The following TSHZ3 variants were observed in gnomAD, a reference collection of about 807,000 sequenced individuals.
TSHZ3 encodes the protein teashirt homolog 3.
Under a neutral mutation model 64.5 loss-of-function variants are expected in TSHZ3, and 10 were observed. The observed-to-expected ratio is 0.16, with a 90% CI of 0.10 to 0.26. The LOEUF is 0.26. TSHZ3 is among the 10% of genes least tolerant of loss of function. TSHZ3 has a pLI of 1.00. For synonymous variants in TSHZ3, 608 were observed against 593.1 expected, an observed-to-expected ratio of 1.03 and a Z score of -0.36; for missense variants, 1,242 against 1,421.7, an observed-to-expected ratio of 0.87 and a Z score of 2.03.
At chr19:31,323,788 A>G (rs1309111732) in intron 1 of TSHZ3, among the ~76,000 whole-genome samples, 1 of 151,752 alleles carries the variant, frequency 6.6e-6, no homozygotes, top group Non-Finnish European at 1.5e-5. Context: ...CCACACTGCC[A>G]CACACCTCAG....
At chr19:31,176,036 G>T (rs1488016194) in intron 5 of TSHZ3, among the ~76,000 whole-genome samples, 2 of 152,228 alleles carry the variant, frequency 1.3e-5, no homozygotes, top group African/African-American at 4.8e-5. Flanking sequence ...TTGGGTCTGA[G>T]GGGAAAGTTC....
intron 1 of TSHZ3, among the ~76,000 whole-genome samples, chr19:31,311,657 G>A (rs934777998): frequency 6.6e-6 from 1 of 152,174 alleles, no homozygotes; most frequent in Non-Finnish European, 1.5e-5. Context: ...AGGACTGGAA[G>A]ATGAGAATCC....
At chr19:31,339,789 C>CA (rs1193870082) in intron 1 of TSHZ3, among the ~76,000 whole-genome samples, 18 of 129,550 alleles carry the variant, frequency 1.4e-4, no homozygotes, top group Admixed American at 2.3e-4. Flanking sequence ...CTTCCCATGG[C>CA]AAAAAGGAAA....
chr19:31,163,267 T>A (rs2145105526), intron 5 of TSHZ3, among the ~76,000 whole-genome samples: 1 of 152,262 alleles, frequency 6.6e-6, no homozygotes, highest in Middle Eastern at 3.4e-3. Context: ...CCAGATAAGC[T>A]AAAGCATAGG....
intron 1 of TSHZ3, among the ~76,000 whole-genome samples, chr19:31,246,751 T>C (rs1470888731): frequency 1.3e-5 from 2 of 152,144 alleles, no homozygotes; most frequent in African/African-American, 4.8e-5. Flanking sequence ...GAGGCGTTTC[T>C]TTCTATGTCA....
At chr19:31,166,996 C>T (rs1974462298) in intron 5 of TSHZ3, among the ~76,000 whole-genome samples, 1 of 152,154 alleles carries the variant, frequency 6.6e-6, no homozygotes, top group Non-Finnish European at 1.5e-5. Flanking sequence ...GGGGAAGGCT[C>T]CACCCAGAGC....
chr19:31,277,290 A>G lies in TSHZ3; in HGVS notation c.2503T>C (p.Ser835Pro), dbSNP rs184853835. ...AKTSAVVSFM[S>P]NSPLRENALS... ...GCATTCTCGCGTAGCGGCGAGTTTG[A>G]CATGAATGATACGACGGCAGATGTC... is the stretch of plus-strand genomic sequence containing the variant. The change falls in exon 2 of 2, where the codon TCA (serine) becomes CCA (proline). Residue 835 changes from serine to proline, a missense_variant. This residue lies in a region of TSHZ3 where 550 missense variants were observed against 545.1 expected (regional missense o/e 1.01). Transcript: ENST00000240587. This position sits in a 1 kb window ranked among gnomAD's most constrained non-coding sequence, Gnocchi z 4.5. The G allele has an allele frequency of 6.2e-7, 1 of 1,613,896 alleles. No individual in the cohort carries two copies. Among genetic ancestry groups the G allele is most frequent in the African/African-American group, 1.3e-5 (1 of 75,050 alleles).
At chr19:31,152,174 C>T (rs376727944) in intron 6 of TSHZ3, among the ~76,000 whole-genome samples, 1 of 151,548 alleles carries the variant, frequency 6.6e-6, no homozygotes, top group Admixed American at 6.6e-5. Flanking sequence ...TTGGGTTTTG[C>T]CTAGAATGTC....
chr19:31,253,982 G>T (rs1379511305), intron 1 of TSHZ3, among the ~76,000 whole-genome samples: 1 of 152,140 alleles, frequency 6.6e-6, no homozygotes, highest in African/African-American at 2.4e-5. Flanking sequence ...TGTGACTAAG[G>T]CAGAGGAGCT....
chr19:31,292,926 A>AACCCATCCATCCAACCAAAC, intron 1 of TSHZ3, among the ~76,000 whole-genome samples: 1 of 138,590 alleles, frequency 7.2e-6, no homozygotes, highest in Non-Finnish European at 1.5e-5. Context: ...TCCAACCAAA[A>AACCCATCCATCCAACCAAAC]ACCCATCCAT....
At chr19:31,182,609 A>G (rs1160589639) in intron 5 of TSHZ3, among the ~76,000 whole-genome samples, 1 of 152,188 alleles carries the variant, frequency 6.6e-6, no homozygotes, top group Admixed American at 6.5e-5. Flanking sequence ...CCCTCAAAGG[A>G]AAGGAGAAGC....
intron 5 of TSHZ3, among the ~76,000 whole-genome samples, chr19:31,162,757 A>T (rs994646474): frequency 6.6e-6 from 1 of 152,234 alleles, no homozygotes; most frequent in Non-Finnish European, 1.5e-5. Context: ...CTCAGCATAC[A>T]TGAGGTTAGG....
At chr19:31,262,525 T>C (rs938450636) in intron 1 of TSHZ3, among the ~76,000 whole-genome samples, 1 of 152,226 alleles carries the variant, frequency 6.6e-6, no homozygotes, top group African/African-American at 2.4e-5. Context: ...TTTAATGTCT[T>C]TCTGTGCTTT....
chr19:31,293,211 C>T (rs1976605658), intron 1 of TSHZ3, among the ~76,000 whole-genome samples: 1 of 152,172 alleles, frequency 6.6e-6, no homozygotes, highest in Non-Finnish European at 1.5e-5. Flanking sequence ...TTATATACTC[C>T]AGATGCTTTA....
rs554366748 is a variant in TSHZ3, at chr19:31,269,824, G to A, written n.64-26949C>T. On this transcript the variant is annotated intron_variant and non_coding_transcript_variant, in intron 1 of 6. Coordinates refer to the TSHZ3 transcript ENST00000651361. The stretch of plus-strand genomic sequence containing the variant: ...AAAAGAAAGCAGGATGGCCTCCCCC[G>A]CTGATGCCTGGGGCTTCAAAGGCCA... 4.6e-4 allele frequency among the ~76,000 whole-genome samples: 70 copies of A among 152,310 alleles called. 1 individual carries two copies. Among genetic ancestry groups the A allele is most frequent in the Admixed American group, 4.5e-3 (69 of 15,304 alleles).
At chr19:31,316,791 C>G (rs911284549) in intron 1 of TSHZ3, among the ~76,000 whole-genome samples, 1 of 151,980 alleles carries the variant, frequency 6.6e-6, no homozygotes, top group South Asian at 2.1e-4. Flanking sequence ...GAAGGAGAAA[C>G]AGGCAGAGAG....
chr19:31,218,953 A>AT, intron 4 of TSHZ3, among the ~76,000 whole-genome samples: 1 of 152,150 alleles, frequency 6.6e-6, no homozygotes, highest in Non-Finnish European at 1.5e-5. Flanking sequence ...TTTTCTACTA[A>AT]TTTTACAGGC....
chr19:31,273,744 T>C (rs1311898180), downstream of TSHZ3, among the ~76,000 whole-genome samples: 3 of 152,158 alleles, frequency 2.0e-5, no homozygotes, highest in African/African-American at 7.2e-5. Context: ...AACATATGTG[T>C]CCTTTAGCTC....
intron 1 of TSHZ3, among the ~76,000 whole-genome samples, chr19:31,347,361 A>G: frequency 6.6e-6 from 1 of 152,148 alleles, no homozygotes; most frequent in East Asian, 1.9e-4. Flanking sequence ...GAGATGAACT[A>G]GAGAGAGAGT....
Sources: allele counts gnomAD v4.1 joint callset (sites outside exome capture counted in the v4.1 genomes callset), GRCh38; gene constraint gnomAD v4.1.1; regional missense constraint gnomAD v4.1.1; non-coding constraint Gnocchi (gnomAD v3.1); transcripts MANE v1.5; gene names NCBI Gene and HGNC (gene_info 2026-07-23, HGNC 2026-07-21).